Variants in PDE7B observed in about 807,000 individuals in gnomAD.
The protein encoded by PDE7B is phosphodiesterase 7B, also known as 3',5'-cyclic-AMP phosphodiesterase 7B.
Under a neutral mutation model 56.2 loss-of-function variants are expected in PDE7B, and 29 were observed. The observed-to-expected ratio is 0.52, with a 90% CI of 0.38 to 0.70. PDE7B has a LOEUF of 0.70. Ranked by LOEUF, PDE7B falls within the 30% of genes least tolerant of loss-of-function variation. PDE7B has a pLI of 0.00. For missense variants in PDE7B, 490 were observed against 565.0 expected (o/e 0.87, Z 1.35); for synonymous variants, 197 against 196.9 (o/e 1.00, Z 0.00).
intron 2 of PDE7B, among the ~76,000 whole-genome samples, chr6:136,004,465 G>A (rs35187449): frequency 0.078 from 11,931 of 152,166 alleles, 564 homozygotes; most frequent in Middle Eastern, 0.14. Flanking sequence ...CATTGTCTCA[G>A]CTCGAAATCT....
At chr6:135,907,718 T>C (rs1407886793) in intron 1 of PDE7B, among the ~76,000 whole-genome samples, 1 of 152,192 alleles carries the variant, frequency 6.6e-6, no homozygotes, top group Non-Finnish European at 1.5e-5. Context: ...TACAGAATAA[T>C]ATTCCTAAAA....
intron 2 of PDE7B, among the ~76,000 whole-genome samples, chr6:135,966,308 T>G (rs970344911): frequency 6.6e-6 from 1 of 151,636 alleles, no homozygotes; most frequent in African/African-American, 2.4e-5. Context: ...TTTTTCTCTC[T>G]TTGACTCTCT....
chr6:135,981,938 A>T (rs977611604), intron 2 of PDE7B, among the ~76,000 whole-genome samples: 3 of 152,166 alleles, frequency 2.0e-5, no homozygotes, highest in African/African-American at 4.8e-5. Flanking sequence ...TTACACCAGC[A>T]TCACCATAAA....
intron 2 of PDE7B, among the ~76,000 whole-genome samples, chr6:135,961,281 ATGTGTGTGTGTGTG>A (rs771473679): frequency 0.022 from 2,009 of 89,538 alleles, 71 homozygotes; most frequent in African/African-American, 0.058. Context: ...GTGTGTGTGT[ATGTGTGTGTGTGTG>A]TGTGTGTGTG....
At chr6:135,948,309 G>A (rs1774626284) in intron 2 of PDE7B, among the ~76,000 whole-genome samples, 2 of 151,846 alleles carry the variant, frequency 1.3e-5, no homozygotes, top group African/African-American at 2.4e-5. Flanking sequence ...CAGTAGCATG[G>A]ATAAATAAAA....
intron 1 of PDE7B, among the ~76,000 whole-genome samples, chr6:135,873,027 A>ATAG (rs1775416427): frequency 6.6e-6 from 1 of 152,160 alleles, no homozygotes; most frequent in South Asian, 2.1e-4. Flanking sequence ...TTCATTCTGT[A>ATAG]AATAGAAACG....
intron 1 of PDE7B, among the ~76,000 whole-genome samples, chr6:135,871,721 T>A (rs143556931): frequency 7.6e-4 from 115 of 152,288 alleles, no homozygotes; most frequent in Non-Finnish European, 1.5e-3. Flanking sequence ...TTTCTTTCAT[T>A]TTATATTGGC....
At chr6:135,891,439 C>T (rs1028889635) in intron 1 of PDE7B, among the ~76,000 whole-genome samples, 1 of 152,160 alleles carries the variant, frequency 6.6e-6, no homozygotes, top group African/African-American at 2.4e-5. Context: ...GTTAAGAATT[C>T]CATCCACAGG....
intron 1 of PDE7B, among the ~76,000 whole-genome samples, chr6:135,919,395 G>C (rs1020920462): frequency 6.6e-6 from 1 of 152,100 alleles, no homozygotes; most frequent in African/African-American, 2.4e-5. Flanking sequence ...ACTTTGCTAA[G>C]AAAAAAGAAA....
chr6:135,884,910 C>T (rs1361018533), intron 1 of PDE7B, among the ~76,000 whole-genome samples: 2 of 152,112 alleles, frequency 1.3e-5, no homozygotes, highest in South Asian at 2.1e-4. Flanking sequence ...ACTTAGTTAG[C>T]ATTCTACAGA....
chr6:135,917,674 A>G (rs1360142397), intron 1 of PDE7B, among the ~76,000 whole-genome samples: 2 of 151,494 alleles, frequency 1.3e-5, no homozygotes, highest in African/African-American at 2.4e-5. Context: ...AAATTTTTTG[A>G]TATGCTGGAT....
chr6:135,876,599 C>T (rs1210659750), intron 1 of PDE7B, among the ~76,000 whole-genome samples: 1 of 152,116 alleles, frequency 6.6e-6, no homozygotes. Flanking sequence ...TGGCTGAAGC[C>T]TGTAATCCCA....
intron 2 of PDE7B, among the ~76,000 whole-genome samples, chr6:136,019,004 ACC>A (rs1776025462): frequency 6.6e-6 from 1 of 151,896 alleles, no homozygotes; most frequent in Non-Finnish European, 1.5e-5. Context: ...ATGGCCACCC[ACC>A]CAGCTCAGAC....
intron 2 of PDE7B, among the ~76,000 whole-genome samples, chr6:136,008,736 C>A (rs1278019665): frequency 6.6e-6 from 1 of 152,004 alleles, no homozygotes; most frequent in Non-Finnish European, 1.5e-5. Flanking sequence ...GGATATTAGC[C>A]CTTTGTCAGA....
chr6:136,115,755 C>G (rs1777820439), intron 3 of PDE7B, among the ~76,000 whole-genome samples: 1 of 152,162 alleles, frequency 6.6e-6, no homozygotes, highest in South Asian at 2.1e-4. Flanking sequence ...GCCAAGAAGG[C>G]CATGAAACCC....
Position 136,191,776 on chromosome 6 carries a change from G to T in PDE7B, c.1289G>T (p.Gly430Val). ...AGAAGCAGGGGCAGCAGTGGCAGCG[G>T]GCCTGACCACGACCACGCAGGCCAA... Reference protein sequence around the residue: ...QHRSRGSSGSGPDHDHAGQGT... With the variant: ...QHRSRGSSGSVPDHDHAGQGT... Residue 430 changes from glycine to valine, a missense_variant, in exon 13 of 13, where the codon GGG (glycine) becomes GTG (valine). Gly to Val is a moderately radical substitution (Grantham distance 109). Coordinates refer to ENST00000308191, the MANE Select transcript of PDE7B (RefSeq NM_018945.4). The T allele has an allele frequency of 6.3e-7, 1 of 1,582,950 alleles. No homozygotes were observed. Among genetic ancestry groups the T allele is most frequent in the Non-Finnish European group, 8.6e-7 (1 of 1,165,006 alleles).
rs1039614629 is a variant in PDE7B at position 135,981,358 on chromosome 6, G to A, written c.82+33834G>A. Reference sequence around the variant, plus strand: ...TAGATGACGAGTTAGAGGGTGCAGCGCACCAGCATGGCACATGTACACATA... The same window carrying A: ...TAGATGACGAGTTAGAGGGTGCAGCACACCAGCATGGCACATGTACACATA... On this transcript the variant is annotated intron_variant, in intron 2 of 12. Transcript: ENST00000308191. Among the ~76,000 whole-genome samples, 6 of 151,252 alleles carry A rather than the reference G, an allele frequency of 4.0e-5. 1 individual carries two copies. The East Asian group carries it at 5.9e-4, about 15-fold the overall frequency.
intron 2 of PDE7B, among the ~76,000 whole-genome samples, chr6:136,083,135 A>C (rs1777232669): frequency 6.6e-6 from 1 of 152,206 alleles, no homozygotes; most frequent in Non-Finnish European, 1.5e-5. Context: ...CTTAGCTGTC[A>C]CTTAGAATTG....
At chr6:135,879,684 T>C (rs1775568847) in intron 1 of PDE7B, among the ~76,000 whole-genome samples, 2 of 152,146 alleles carry the variant, frequency 1.3e-5, no homozygotes, top group Non-Finnish European at 2.9e-5. Context: ...GGAAATACAG[T>C]TGGAGAGGCA....
Sources: allele counts gnomAD v4.1 joint callset (sites outside exome capture counted in the v4.1 genomes callset), GRCh38; gene constraint gnomAD v4.1.1; transcripts MANE v1.5; gene names NCBI Gene and HGNC (gene_info 2026-07-23, HGNC 2026-07-21).